Variants in CHKB observed in about 807,000 individuals in gnomAD.
The protein encoded by CHKB is choline/ethanolamine kinase.
CHKB carries 45 observed loss-of-function variants against 57.3 expected under a neutral mutation model. That is an observed-to-expected ratio of 0.79 (90% CI 0.62 to 1.01). The LOEUF is 1.01. CHKB is among the 50% of genes least tolerant of loss of function. The probability of loss-of-function intolerance (pLI) is 0.00; values close to 1 mark genes in which losing one functional copy is unlikely to be tolerated. For missense variants in CHKB, 517 were observed against 502.8 expected (o/e 1.03, Z -0.27); for synonymous variants, 224 against 201.8 (o/e 1.11, Z -0.93).
Position 50,579,126 on chromosome 22 carries a change from T to A in CHKB, c.*55A>T. On this transcript the variant is annotated 3_prime_UTR_variant, in exon 11 of 11. Transcript: ENST00000406938. ...GGGCCTTCTGCTCGTTGTTCCTCCC[T>A]CCAAGGTCCTGCCCTGGAGGCTCCA... 6.4e-7 allele frequency: 1 copy of A among 1,555,226 alleles called. No individual in the cohort carries two copies. Among genetic ancestry groups the A allele is most frequent in the South Asian group, 1.1e-5 (1 of 87,454 alleles).
chr22:50,580,656 G>A lies in CHKB; in HGVS notation c.586C>T (p.Leu196=). 1 of 1,613,924 alleles carries A rather than the reference G, an allele frequency of 6.2e-7. No homozygotes were observed. The highest frequency in any genetic ancestry group is 1.3e-5 in the African/African-American group (1 of 74,988). ...GGGGGCAGGTCCTGGATCTGTTTTAGGTACCTGAAGCCCAAAGAATAGGAT... is the reference window on the plus strand; with the variant it reads ...GGGGGCAGGTCCTGGATCTGTTTTAAGTACCTGAAGCCCAAAGAATAGGAT... ...HWLFGTMERY[L]KQIQDLPPTG... The change falls in exon 5 of 11, where the codon CTA becomes TTA. Residue 196 remains leucine (L), a synonymous_variant. Transcript: ENST00000406938.
chr22:50,579,096 C>T lies in CHKB; in HGVS notation c.*85G>A, dbSNP rs1048502182. The stretch of plus-strand genomic sequence containing the variant: ...GTTTCACTTGGGGGCTCAGCCCAGT[C>T]GCCAGGGCCTTCTGCTCGTTGTTCC... On this transcript the variant is annotated 3_prime_UTR_variant, in exon 11 of 11. Transcript: ENST00000406938. 1.9e-5 allele frequency: 26 copies of T among 1,347,732 alleles called. No individual in the cohort carries two copies. Among genetic ancestry groups the T allele is most frequent in the Non-Finnish European group, 2.5e-5 (24 of 958,816 alleles). 83.5% of individuals were successfully genotyped at this position (1,347,732 alleles called of 1,614,324 possible). A position where few individuals can be genotyped will look rare whatever the true frequency, so the allele number is the denominator to read the frequency against.
rs1421820805 is a variant in CHKB at position 50,582,273 on chromosome 22, C to T, written c.309G>A (p.Leu103=). The T allele has an allele frequency of 2.5e-6, 4 of 1,593,852 alleles. No homozygotes were observed. Among genetic ancestry groups the T allele is most frequent in the African/African-American group, 1.3e-5 (1 of 74,770 alleles). The change falls in exon 2 of 11, where the codon CTG becomes CTA. Residue 103 remains leucine (L), a synonymous_variant. Transcript: ENST00000406938. ...SVGEEPREVL[L]RLYGAILQGV... ...CCTGCAAGATGGCTCCGTACAGCCG[C>T]AGAAGCACCTCCCGGGGCTCCTCGC...
At chr22:50,580,713 G>A (rs74846249) in intron 4 of CHKB, 53 bp from the exon 5 acceptor site, 28 of 1,529,282 alleles carry the variant, frequency 1.8e-5, no homozygotes, top group South Asian at 6.8e-5. Flanking sequence ...CCCACCCCTC[G>A]CCTATCTACC....
chr22:50,582,741 A>C lies in CHKB; in HGVS notation c.41T>G (p.Val14Gly). 6.3e-7 allele frequency: 1 copy of C among 1,599,356 alleles called. No individual in the cohort carries two copies. The highest frequency in any genetic ancestry group is 8.5e-7 in the Non-Finnish European group (1 of 1,174,274). Residue 14 changes from valine (V) to glycine (G), a missense_variant, in exon 1 of 11, where the codon GTT (valine) becomes GGT (glycine). Coordinates refer to ENST00000406938, the MANE Select transcript of CHKB (RefSeq NM_005198.5). Reference sequence around the variant, plus strand: ...GCCGTCTTTGGCCAGGCAGCCGCCAACAGCCCCGCTTCCGGCCACAGCTGT... The same window carrying C: ...GCCGTCTTTGGCCAGGCAGCCGCCACCAGCCCCGCTTCCGGCCACAGCTGT... ...EATAVAGSGA[V>G]GGCLAKDGLQ...
chr22:50,579,127 C>G lies in CHKB; in HGVS notation c.*54G>C. 2 of 1,561,042 alleles carry G rather than the reference C, an allele frequency of 1.3e-6. No homozygotes were observed. Among genetic ancestry groups the G allele is most frequent in the Non-Finnish European group, 1.8e-6 (2 of 1,139,660 alleles). The stretch of plus-strand genomic sequence containing the variant: ...GGCCTTCTGCTCGTTGTTCCTCCCT[C>G]CAAGGTCCTGCCCTGGAGGCTCCAG... On this transcript the variant is annotated 3_prime_UTR_variant, in exon 11 of 11. Coordinates refer to ENST00000406938, the MANE Select transcript of CHKB (RefSeq NM_005198.5).
Position 50,581,763 on chromosome 22 carries a change from C to T in CHKB, c.433G>A (p.Glu145Lys). 1 of 1,613,872 alleles carries T rather than the reference C, an allele frequency of 6.2e-7. No homozygotes were observed. The highest frequency in any genetic ancestry group is 8.5e-7 in the Non-Finnish European group (1 of 1,179,954). ...TGGGCCCGTACTGGGATGTACTGTT[C>T]CAGCCGGCCCTCTGGGAAGACTCCG... ...LYGVFPEGRL[E>K]QYIPSRPLKT... Residue 145 changes from glutamate (E) to lysine (K), a missense_variant, in exon 3 of 11, where the codon GAA (glutamate) becomes AAA (lysine). Transcript: ENST00000406938.
Position 50,580,671 on chromosome 22 carries a change from A to G in CHKB, c.582-11T>C. On this transcript the variant is annotated splice_polypyrimidine_tract_variant and intron_variant, in intron 4 of 10. Coordinates refer to ENST00000406938, the MANE Select transcript of CHKB (RefSeq NM_005198.5). ...ATCTGTTTTAGGTACCTGAAGCCCA[A>G]AGAATAGGATACACTGGCTCTGCTA... 6.2e-7 allele frequency: 1 copy of G among 1,612,048 alleles called. No individual in the cohort carries two copies. Among genetic ancestry groups the G allele is most frequent in the African/African-American group, 1.3e-5 (1 of 74,994 alleles).
At chr22:50,580,453 T>C in intron 5 of CHKB, 37 bp from the exon 6 acceptor site, 1 of 1,612,664 alleles carries the variant, frequency 6.2e-7, no homozygotes, top group Non-Finnish European at 8.5e-7. Flanking sequence ...TGAGCAGGAG[T>C]GACTAGAGGA....
chr22:50,579,989 G>A lies in CHKB; in HGVS notation c.912C>T (p.Pro304=), dbSNP rs1443594741. ...GCCCACATACCTGCTGTTCTTGAGTGGGGTAGTCTGTGGGCCTTGCTTTGT... is the reference window on the plus strand; with the variant it reads ...GCCCACATACCTGCTGTTCTTGAGTAGGGTAGTCTGTGGGCCTTGCTTTGT... ...PFYKARPTDY[P]TQEQQLHFIR... is the part of the protein sequence containing the mutation. The change falls in exon 8 of 11, where the codon CCC becomes CCT. Residue 304 remains proline (P), a synonymous_variant. Coordinates refer to ENST00000406938, the MANE Select transcript of CHKB (RefSeq NM_005198.5). 1.2e-6 allele frequency: 2 copies of A among 1,614,008 alleles called. No individual in the cohort carries two copies. Among genetic ancestry groups the A allele is most frequent in the Non-Finnish European group, 1.7e-6 (2 of 1,179,940 alleles).
chr22:50,582,023 T>C, intron 2 of CHKB, 161 bp from the exon 3 acceptor site: 1 of 777,644 alleles, frequency 1.3e-6, no homozygotes, highest in South Asian at 1.5e-5. Context: ...GAGATGGGGG[T>C]CTCACTATGT....
intron 10 of CHKB, 45 bp downstream of exon 10, chr22:50,579,381 C>T: frequency 6.3e-7 from 1 of 1,593,910 alleles, no homozygotes; most frequent in Non-Finnish European, 8.6e-7. Flanking sequence ...GCTGCTGCTG[C>T]TCCCCAGCCC....
chr22:50,582,161 C>T, intron 2 of CHKB, 88 bp downstream of exon 2: 1 of 1,238,064 alleles, frequency 8.1e-7, no homozygotes, highest in Non-Finnish European at 1.2e-6. Flanking sequence ...TCGGTGTCCT[C>T]AACTGCGCAA....
Position 50,579,152 on chromosome 22 carries a change from G to A in CHKB, c.*29C>T. 5 of 1,605,462 alleles carry A rather than the reference G, an allele frequency of 3.1e-6. No homozygotes were observed. Among genetic ancestry groups the A allele is most frequent in the Non-Finnish European group, 4.3e-6 (5 of 1,173,664 alleles). On this transcript the variant is annotated 3_prime_UTR_variant, in exon 11 of 11. Coordinates refer to ENST00000406938, the MANE Select transcript of CHKB (RefSeq NM_005198.5). Reference sequence around the variant, plus strand: ...CCAAGGTCCTGCCCTGGAGGCTCCAGGAGAAATCCAAGGAGTGGGAGGGTG... The same window carrying A: ...CCAAGGTCCTGCCCTGGAGGCTCCAAGAGAAATCCAAGGAGTGGGAGGGTG...
chr22:50,579,300 A>G, intron 10 of CHKB, 45 bp from the exon 11 acceptor site: 1 of 1,602,856 alleles, frequency 6.2e-7, no homozygotes, highest in Non-Finnish European at 8.5e-7. Context: ...AAGACGTGGG[A>G]CCAGCATTCT....
In CHKB at chr22:50,582,325, G is replaced by A. The variant is rs2070711092; in HGVS notation, c.257C>T (p.Ser86Leu). The A allele has an allele frequency of 3.8e-6, 6 of 1,578,884 alleles. No homozygotes were observed. In the East Asian group the frequency reaches 1.4e-4, roughly 36 times the overall value. ...GGLSNLLFRC[S>L]LPDHLPSVGE... ...AACGCTGGGCAGGTGGTCCGGGAGC[G>A]AGCAGCGGAAGAGCAGGTTGCTGAG... The change falls in exon 2 of 11, where the codon TCG becomes TTG. Residue 86 changes from serine (S) to leucine (L), a missense_variant. Physicochemically the swap from Ser to Leu is moderately radical, Grantham distance 145. Coordinates refer to ENST00000406938, the MANE Select transcript of CHKB (RefSeq NM_005198.5).
chr22:50,581,640 G>T, intron 3 of CHKB, 87 bp from the exon 4 acceptor site: 2 of 1,597,866 alleles, frequency 1.3e-6, no homozygotes, highest in Non-Finnish European at 8.6e-7. Flanking sequence ...AGGGTTTTGG[G>T]GGAAATTCCC....
chr22:50,580,703 C>T (rs1024231997), intron 4 of CHKB, 43 bp from the exon 5 acceptor site: 5 of 1,576,058 alleles, frequency 3.2e-6, no homozygotes, highest in Non-Finnish European at 4.4e-6. Flanking sequence ...GCTATTCTTT[C>T]CCACCCCTCG....
At chr22:50,580,514 T>C (rs1415852355) in intron 5 of CHKB, 51 bp downstream of exon 5, 2 of 1,609,442 alleles carry the variant, frequency 1.2e-6, no homozygotes, top group East Asian at 2.2e-5. Context: ...CCTCAGCAAC[T>C]ACTGGAAGGG....
Sources: allele counts gnomAD v4.1 joint callset, GRCh38; gene constraint gnomAD v4.1.1; transcripts MANE v1.5; gene names NCBI Gene and HGNC (gene_info 2026-07-23, HGNC 2026-07-21).